Variants in STARD13 observed in about 807,000 individuals in gnomAD.
STARD13 encodes the protein StAR related lipid transfer domain containing 13.
STARD13 carries 62 observed loss-of-function variants against 106.4 expected under a neutral mutation model. The ratio of observed to expected loss-of-function variants is 0.58; its 90% CI spans 0.48 to 0.72. The LOEUF (loss-of-function observed/expected upper bound fraction) is 0.72, where lower values mean the gene tolerates loss of function less well. Ranked by LOEUF, STARD13 falls within the 30% of genes least tolerant of loss-of-function variation. The pLI, the probability that STARD13 is intolerant of heterozygous loss-of-function variation, is 0.00. For synonymous variants in STARD13, 565 were observed against 553.0 expected, an observed-to-expected ratio of 1.02 and a Z score of -0.31; for missense variants, 1,387 against 1,424.0, an observed-to-expected ratio of 0.97 and a Z score of 0.42.
chr13:33,231,496 C>A (rs1428996155), intron 1 of STARD13, among the ~76,000 whole-genome samples: 2 of 152,076 alleles, frequency 1.3e-5, no homozygotes, highest in Non-Finnish European at 1.5e-5. Flanking sequence ...CATTAGAGAA[C>A]CCTACATTAT....
the STARD13 span, among the ~76,000 whole-genome samples, chr13:33,580,932 G>A: frequency 1.3e-5 from 2 of 152,048 alleles, no homozygotes; most frequent in Non-Finnish European, 2.9e-5. Flanking sequence ...AAACCATAAA[G>A]ATTTAGAATA....
chr13:33,288,313 C>A (rs140859121), upstream of STARD13, among the ~76,000 whole-genome samples: 563 of 152,136 alleles, frequency 3.7e-3, 3 homozygotes, highest in Non-Finnish European at 4.2e-3. Context: ...CTCTGTCTCC[C>A]AGGCTGGATT....
chr13:33,601,075 C>G, the STARD13 span, among the ~76,000 whole-genome samples: 11 of 152,258 alleles, frequency 7.2e-5, no homozygotes, highest in African/African-American at 2.6e-4. Context: ...TGTGATGACA[C>G]GTGCAGCTCA....
chr13:33,229,172 G>A (rs1489954474), intron 1 of STARD13, among the ~76,000 whole-genome samples: 1 of 152,132 alleles, frequency 6.6e-6, no homozygotes, highest in Non-Finnish European at 1.5e-5. Flanking sequence ...TGCAACCAAC[G>A]GAGGGAAAAC....
intron 1 of STARD13, among the ~76,000 whole-genome samples, chr13:33,314,957 A>T (rs528404166): frequency 2.6e-5 from 4 of 152,340 alleles, no homozygotes; most frequent in Admixed American, 2.6e-4. Flanking sequence ...AAGCCAAAAC[A>T]AATGACACAC....
At chr13:33,362,199 G>A in the STARD13 span, among the ~76,000 whole-genome samples, 1 of 152,122 alleles carries the variant, frequency 6.6e-6, no homozygotes, top group African/African-American at 2.4e-5. Flanking sequence ...AGGGCCTCAG[G>A]AAGCTTACAA....
intron 1 of STARD13, among the ~76,000 whole-genome samples, chr13:33,202,161 T>A (rs561983884): frequency 7.9e-5 from 12 of 152,322 alleles, no homozygotes; most frequent in Admixed American, 2.6e-4. Context: ...ATGCCAAGGC[T>A]CTCTCAGAAT....
At chr13:33,659,120 T>G in the STARD13 span, among the ~76,000 whole-genome samples, 1 of 152,022 alleles carries the variant, frequency 6.6e-6, no homozygotes, top group African/African-American at 2.4e-5. Context: ...CTGAGTTCTG[T>G]GACCCACCGT....
At chr13:33,300,174 C>T (rs1374966553) in intron 1 of STARD13, among the ~76,000 whole-genome samples, 1 of 152,150 alleles carries the variant, frequency 6.6e-6, no homozygotes, top group African/African-American at 2.4e-5. Context: ...TCAGTTTCCT[C>T]ATCTATAAAA....
chr13:33,117,270 G>A (rs1875523522), intron 8 of STARD13, among the ~76,000 whole-genome samples: 1 of 152,048 alleles, frequency 6.6e-6, no homozygotes, highest in African/African-American at 2.4e-5. Flanking sequence ...CACCATGCCT[G>A]GCTAATTTTT....
intron 1 of STARD13, among the ~76,000 whole-genome samples, chr13:33,264,742 C>T (rs774429710): frequency 2.6e-5 from 4 of 152,162 alleles, no homozygotes; most frequent in African/African-American, 7.2e-5. Flanking sequence ...TTCTAGAGAA[C>T]AACCTGGCAT....
At chr13:33,579,515 A>G in the STARD13 span, among the ~76,000 whole-genome samples, 1 of 152,100 alleles carries the variant, frequency 6.6e-6, no homozygotes, top group South Asian at 2.1e-4. Context: ...ATAAAAAACT[A>G]TATATTGAGT....
At chr13:33,190,825 C>T (rs776653359) in intron 1 of STARD13, among the ~76,000 whole-genome samples, 6 of 151,906 alleles carry the variant, frequency 3.9e-5, no homozygotes, top group Non-Finnish European at 7.4e-5. Context: ...ACCTTGTGAT[C>T]CACCGGCCTT....
chr13:33,552,442 TTGAC>T, the STARD13 span, among the ~76,000 whole-genome samples: 6 of 152,182 alleles, frequency 3.9e-5, no homozygotes, highest in African/African-American at 7.2e-5. Flanking sequence ...AGTACGTTCT[TTGAC>T]TGTAACAGAT....
chr13:33,126,052 G>A (rs1189354126), intron 7 of STARD13, 29 bp downstream of exon 7: 3 of 1,609,938 alleles, frequency 1.9e-6, no homozygotes, highest in African/African-American at 2.7e-5. Context: ...GGGGGTGGTG[G>A]GGCAGCAGCG....
At chr13:33,313,793 C>T (rs1362694831) in intron 1 of STARD13, among the ~76,000 whole-genome samples, 6 of 152,196 alleles carry the variant, frequency 3.9e-5, no homozygotes, top group African/African-American at 1.2e-4. Flanking sequence ...TTAAACTCTC[C>T]TTAGCTGACT....
intron 1 of STARD13, among the ~76,000 whole-genome samples, chr13:33,333,411 T>G (rs1425005250): frequency 6.6e-6 from 1 of 151,936 alleles, no homozygotes. Flanking sequence ...AAAAATAAAT[T>G]TCAACTATGC....
At chr13:33,483,636 T>C in the STARD13 span, among the ~76,000 whole-genome samples, 1 of 152,198 alleles carries the variant, frequency 6.6e-6, no homozygotes, top group Non-Finnish European at 1.5e-5. Context: ...TTCATCATGA[T>C]TGCTTCCTTA....
the STARD13 span, among the ~76,000 whole-genome samples, chr13:33,385,218 AATATATATATATATATATATAT>A: frequency 1.2e-3 from 40 of 33,582 alleles, 1 homozygote; most frequent in East Asian, 3.0e-3. Flanking sequence ...AAAGGTTCGG[AATATATATATATATATATATAT>A]ATATATATAT....
Sources: allele counts gnomAD v4.1 joint callset (sites outside exome capture counted in the v4.1 genomes callset), GRCh38; gene constraint gnomAD v4.1.1; transcripts MANE v1.5; gene names NCBI Gene and HGNC (gene_info 2026-07-23, HGNC 2026-07-21).